Variants in PRICKLE2 observed in about 807,000 individuals in gnomAD.
The protein encoded by PRICKLE2 is prickle-like protein 2.
Under a neutral mutation model 81.4 loss-of-function variants are expected in PRICKLE2, and 21 were observed. That is an observed-to-expected ratio of 0.26 (90% CI 0.18 to 0.37). The LOEUF is 0.37. Among genes scored for constraint, PRICKLE2 ranks in the 10% least tolerant of loss-of-function variants. The pLI, the probability that PRICKLE2 is intolerant of heterozygous loss-of-function variation, is 1.00. For synonymous variants in PRICKLE2, 456 were observed against 421.5 expected (o/e 1.08, Z -1.00); for missense variants, 940 against 1,109.0 (o/e 0.85, Z 2.16).
At chr3:64,221,456 C>G (rs1174422969) in intron 1 of PRICKLE2, among the ~76,000 whole-genome samples, 1 of 150,462 alleles carries the variant, frequency 6.6e-6, no homozygotes. Context: ...CACACACACA[C>G]ACGCACACAC....
chr3:64,263,115 C>T (rs1486704142), intron 2 of PRICKLE2, among the ~76,000 whole-genome samples: 1 of 152,222 alleles, frequency 6.6e-6, no homozygotes, highest in Non-Finnish European at 1.5e-5. Context: ...TCCACGCACA[C>T]ATGGCGCCTT....
intron 2 of PRICKLE2, among the ~76,000 whole-genome samples, chr3:64,173,195 C>T (rs1368850628): frequency 6.6e-6 from 1 of 152,112 alleles, no homozygotes; most frequent in Non-Finnish European, 1.5e-5. Context: ...AAAAACACTA[C>T]AAAGATTCAA....
chr3:64,192,877 T>C (rs1470918734), intron 2 of PRICKLE2, among the ~76,000 whole-genome samples: 1 of 152,218 alleles, frequency 6.6e-6, no homozygotes, highest in African/African-American at 2.4e-5. Context: ...CCATGAACAC[T>C]TGGGAGCATC....
chr3:64,127,853 T>G (rs1295480497), intron 7 of PRICKLE2, among the ~76,000 whole-genome samples: 1 of 151,988 alleles, frequency 6.6e-6, no homozygotes. Context: ...TTTGTGATTT[T>G]GGATCTCCCA....
intron 4 of PRICKLE2, among the ~76,000 whole-genome samples, chr3:64,157,770 T>A (rs1023042463): frequency 6.8e-6 from 1 of 146,424 alleles, no homozygotes; most frequent in East Asian, 2.1e-4. Context: ...GGGAGGGAGG[T>A]GGGTGGGAGG....
Position 64,198,931 on chromosome 3 carries a change from C to G in PRICKLE2, c.-4G>C. The G allele has an allele frequency of 6.2e-7, 1 of 1,614,154 alleles. No homozygotes were observed. The highest frequency in any genetic ancestry group is 8.5e-7 in the Non-Finnish European group (1 of 1,180,048). ...CCAGCGGCATCACTGTCACCATGTGCTCCTCCTGGGGACACTTGCAGTGCA... is the reference window on the plus strand; with the variant it reads ...CCAGCGGCATCACTGTCACCATGTGGTCCTCCTGGGGACACTTGCAGTGCA... On this transcript the variant is annotated 5_prime_UTR_variant, in exon 2 of 8. Coordinates refer to ENST00000638394, the MANE Select transcript of PRICKLE2 (RefSeq NM_198859.4).
intron 1 of PRICKLE2, among the ~76,000 whole-genome samples, chr3:64,221,039 T>C (rs1374829315): frequency 3.3e-5 from 5 of 152,150 alleles, no homozygotes; most frequent in South Asian, 4.1e-4. Context: ...GTAGGACAGA[T>C]GGGGAGAGGA....
At chr3:64,142,897 T>C (rs748857032) in intron 7 of PRICKLE2, among the ~76,000 whole-genome samples, 2 of 152,124 alleles carry the variant, frequency 1.3e-5, no homozygotes, top group Non-Finnish European at 2.9e-5. Context: ...GATGAGGAAA[T>C]TGAGTTTTGC....
At chr3:64,155,631 TC>T (rs1420458695) in intron 5 of PRICKLE2, among the ~76,000 whole-genome samples, 1 of 152,136 alleles carries the variant, frequency 6.6e-6, no homozygotes, top group Middle Eastern at 3.2e-3. Context: ...AACTTAAATG[TC>T]CATCAATTGA....
chr3:64,137,992 C>T (rs982975392), intron 7 of PRICKLE2, among the ~76,000 whole-genome samples: 1 of 152,166 alleles, frequency 6.6e-6, no homozygotes, highest in Non-Finnish European at 1.5e-5. Context: ...CCACAGGCCA[C>T]ACCCCAAAGA....
chr3:64,135,142 C>G (rs1009011677), intron 7 of PRICKLE2, among the ~76,000 whole-genome samples: 19 of 152,070 alleles, frequency 1.2e-4, no homozygotes, highest in African/African-American at 4.3e-4. Flanking sequence ...ATAAATGACT[C>G]GAAGAAGCAA....
At chr3:64,229,035 A>AG (rs1394908001), upstream of PRICKLE2, among the ~76,000 whole-genome samples, 1 of 152,236 alleles carries the variant, frequency 6.6e-6, no homozygotes, top group African/African-American at 2.4e-5. Context: ...CACAAAATCC[A>AG]GAAGTAGAAA....
At chr3:64,176,908 G>T (rs908112484) in intron 2 of PRICKLE2, among the ~76,000 whole-genome samples, 1 of 152,192 alleles carries the variant, frequency 6.6e-6, no homozygotes, top group African/African-American at 2.4e-5. Flanking sequence ...TAATATCTTG[G>T]CCTGCGGGTT....
chr3:64,100,075 T>A, intron 7 of PRICKLE2, 150 bp from the exon 8 acceptor site: 2 of 780,318 alleles, frequency 2.6e-6, no homozygotes, highest in Non-Finnish European at 4.2e-6. Flanking sequence ...CATGTGCCTG[T>A]GAGGGGGTTC....
At chr3:64,235,561 C>T (rs2079168211) in intron 2 of PRICKLE2, among the ~76,000 whole-genome samples, 1 of 152,144 alleles carries the variant, frequency 6.6e-6, no homozygotes, top group African/African-American at 2.4e-5. Context: ...TTGTTGTTTG[C>T]TTATTTGTCT....
intron 7 of PRICKLE2, among the ~76,000 whole-genome samples, chr3:64,112,041 T>C (rs1289994857): frequency 1.3e-5 from 2 of 152,196 alleles, no homozygotes; most frequent in Non-Finnish European, 2.9e-5. Flanking sequence ...TCTCATACAC[T>C]AGACTTGTAT....
chr3:64,147,330 C>A lies in PRICKLE2; in HGVS notation c.1160G>T (p.Ser387Ile). ...CCTCCAGATGGGGTCCCGGTTGAGG[C>A]TGGGTGTCTGGCTGGACAGGCTGAG... ...DMLSLSSQTP[S>I]LNRDPIWRSR... The change falls in exon 7 of 8, where the codon AGC becomes ATC. Residue 387 changes from serine (S) to isoleucine (I), a missense_variant. Physicochemically the swap from Ser to Ile is moderately radical, Grantham distance 142 (BLOSUM62 -2). Around this residue, in one of 2 missense-constraint regions of PRICKLE2, gnomAD observed 670 missense variants for 717.2 expected, o/e 0.93. Transcript: ENST00000638394. The surrounding 1 kb of genome is among the most constrained non-coding windows in gnomAD (Gnocchi z 5.0). 3 of 1,614,108 alleles carry A rather than the reference C, an allele frequency of 1.9e-6. No homozygotes were observed. The highest frequency in any genetic ancestry group is 2.5e-6 in the Non-Finnish European group (3 of 1,180,010).
intron 2 of PRICKLE2, among the ~76,000 whole-genome samples, chr3:64,239,113 T>A (rs577610841): frequency 3.3e-5 from 5 of 152,172 alleles, no homozygotes; most frequent in African/African-American, 1.2e-4. Context: ...TTTAGCACCC[T>A]CCTCTGAGGG....
chr3:64,198,255 T>TAAAA (rs1329032209), intron 2 of PRICKLE2, among the ~76,000 whole-genome samples: 19 of 125,928 alleles, frequency 1.5e-4, no homozygotes, highest in Non-Finnish European at 2.8e-4. Flanking sequence ...AATAAATAAA[T>TAAAA]AAAACAAAAA....
Sources: allele counts gnomAD v4.1 joint callset (sites outside exome capture counted in the v4.1 genomes callset), GRCh38; gene constraint gnomAD v4.1.1; regional missense constraint gnomAD v4.1.1; non-coding constraint Gnocchi (gnomAD v3.1); transcripts MANE v1.5; gene names NCBI Gene and HGNC (gene_info 2026-07-23, HGNC 2026-07-21).